Variants in FNDC3A observed in about 807,000 individuals in gnomAD.
The protein encoded by FNDC3A is fibronectin type-III domain-containing protein 3A.
Under a neutral mutation model 148.9 loss-of-function variants are expected in FNDC3A, and 32 were observed. The observed-to-expected ratio is 0.21, with a 90% CI of 0.16 to 0.29. The LOEUF (loss-of-function observed/expected upper bound fraction) is 0.29. FNDC3A is among the 10% of genes least tolerant of loss of function. FNDC3A has a pLI of 1.00. For synonymous variants in FNDC3A, 472 were observed against 473.6 expected, an observed-to-expected ratio of 1.00 and a Z score of 0.04; for missense variants, 1,191 against 1,452.8, an observed-to-expected ratio of 0.82 and a Z score of 2.93.
In FNDC3A at chr13:49,131,288, A is replaced by G. The variant is rs762348761; in HGVS notation, c.404A>G (p.His135Arg). ...ACTATGATGCCGCCTCCACCACGTC[A>G]TATGTACTCACCCGTGACTGGAGCT... ...VPTMMPPPPRHMYSPVTGAGD... is the reference protein window; with the variant it reads ...VPTMMPPPPRRMYSPVTGAGD... Residue 135 changes from histidine to arginine, a missense_variant, in exon 5 of 26, where the codon CAT becomes CGT. By Grantham distance (29) the His-to-Arg change is conservative. Around this residue, in one of 3 missense-constraint regions of FNDC3A, gnomAD observed 426 missense variants for 473.2 expected, o/e 0.90. Transcript: ENST00000492622. 1.2e-6 allele frequency: 2 copies of G among 1,614,002 alleles called. No individual in the cohort carries two copies.
At chr13:49,177,896 C>T (rs1354018226) in intron 13 of FNDC3A, among the ~76,000 whole-genome samples, 2 of 151,992 alleles carry the variant, frequency 1.3e-5, no homozygotes, top group African/African-American at 4.8e-5. Flanking sequence ...TGACTGCTAC[C>T]CAAAAAAGGA....
chr13:49,089,143 A>ACCTAATAT, intron 3 of FNDC3A, among the ~76,000 whole-genome samples: 1 of 152,318 alleles, frequency 6.6e-6, no homozygotes, highest in South Asian at 2.1e-4. Context: ...ATGTAAATGT[A>ACCTAATAT]CCTAATATTG....
At chr13:48,992,006 G>A (rs558829708) in intron 1 of FNDC3A, among the ~76,000 whole-genome samples, 2 of 152,270 alleles carry the variant, frequency 1.3e-5, no homozygotes, top group East Asian at 3.9e-4. Context: ...GTGGAAAACC[G>A]AATGCTTGTA....
At chr13:49,087,320 C>A (rs749404640) in intron 3 of FNDC3A, among the ~76,000 whole-genome samples, 1 of 152,028 alleles carries the variant, frequency 6.6e-6, no homozygotes, top group Non-Finnish European at 1.5e-5. Flanking sequence ...GTTCACAAAC[C>A]TTTTGCATTC....
intron 24 of FNDC3A, 140 bp downstream of exon 24, chr13:49,202,106 A>G: frequency 4.1e-6 from 2 of 489,984 alleles, no homozygotes; most frequent in East Asian, 3.5e-5. Flanking sequence ...AGGCAAGCCC[A>G]ACTCTACTGA....
intron 2 of FNDC3A, among the ~76,000 whole-genome samples, chr13:49,065,680 A>G (rs564718921): frequency 6.6e-6 from 1 of 152,306 alleles, no homozygotes; most frequent in South Asian, 2.1e-4. Context: ...ACTTCTGGAA[A>G]GATAAACATA....
chr13:49,123,652 A>T (rs1053446729), intron 4 of FNDC3A, among the ~76,000 whole-genome samples: 30 of 146,870 alleles, frequency 2.0e-4, no homozygotes, highest in African/African-American at 6.5e-4. Flanking sequence ...ACAAATTTAC[A>T]AAAAAAAAAA....
At chr13:49,177,432 T>C (rs945663085) in intron 13 of FNDC3A, among the ~76,000 whole-genome samples, 6 of 152,002 alleles carry the variant, frequency 3.9e-5, no homozygotes, top group Non-Finnish European at 8.8e-5. Context: ...TGACCAGGAG[T>C]TAGGGTGTAT....
chr13:49,085,339 T>C (rs1878734754), intron 3 of FNDC3A, among the ~76,000 whole-genome samples: 1 of 152,232 alleles, frequency 6.6e-6, no homozygotes, highest in Non-Finnish European at 1.5e-5. Context: ...CCTGGCCTTG[T>C]CCTTCTCTCA....
intron 8 of FNDC3A, among the ~76,000 whole-genome samples, chr13:49,161,429 T>G (rs1199364662): frequency 6.6e-6 from 1 of 152,158 alleles, no homozygotes; most frequent in Non-Finnish European, 1.5e-5. Context: ...AACCCCTGCT[T>G]TTTTTTGTTT....
At chr13:49,144,188 T>A (rs2137963123) in intron 7 of FNDC3A, among the ~76,000 whole-genome samples, 1 of 152,116 alleles carries the variant, frequency 6.6e-6, no homozygotes, top group Admixed American at 6.5e-5. Flanking sequence ...AGTAGCAGTT[T>A]GTTTTAAAAA....
At chr13:49,202,424 A>C (rs1467368007) in intron 24 of FNDC3A, among the ~76,000 whole-genome samples, 1 of 152,226 alleles carries the variant, frequency 6.6e-6, no homozygotes, top group African/African-American at 2.4e-5. Context: ...ACACATATTT[A>C]CACACATTTG....
At chr13:49,171,988 A>G (rs970792294) in intron 10 of FNDC3A, 55 bp from the exon 11 acceptor site, 3 of 1,172,158 alleles carry the variant, frequency 2.6e-6, no homozygotes, top group African/African-American at 3.0e-5. Context: ...TCATCACAGT[A>G]TCATTTATGA....
intron 3 of FNDC3A, among the ~76,000 whole-genome samples, chr13:49,077,759 A>G (rs991942298): frequency 4.6e-5 from 7 of 152,252 alleles, no homozygotes; most frequent in African/African-American, 1.7e-4. Context: ...ACAAACCTGC[A>G]CATTCTGCAC....
intron 2 of FNDC3A, among the ~76,000 whole-genome samples, chr13:49,033,713 A>G (rs978921676): frequency 6.6e-5 from 10 of 151,966 alleles, no homozygotes; most frequent in Non-Finnish European, 4.4e-5. Flanking sequence ...AAGCAAGTTT[A>G]TGATTTAATA....
chr13:49,122,421 A>G (rs1387245256), intron 4 of FNDC3A, among the ~76,000 whole-genome samples: 1 of 152,134 alleles, frequency 6.6e-6, no homozygotes, highest in Non-Finnish European at 1.5e-5. Flanking sequence ...TGGAAGCATT[A>G]CCTTTGAAAA....
intron 7 of FNDC3A, among the ~76,000 whole-genome samples, chr13:49,145,260 C>G (rs1882927445): frequency 2.0e-5 from 3 of 152,136 alleles, no homozygotes; most frequent in African/African-American, 4.8e-5. Flanking sequence ...GTTTTTAACA[C>G]TAGATAGTAT....
intron 2 of FNDC3A, among the ~76,000 whole-genome samples, chr13:49,063,650 G>A (rs74075848): frequency 9.9e-5 from 15 of 152,276 alleles, no homozygotes; most frequent in African/African-American, 3.6e-4. Context: ...TGAAGATAAT[G>A]GGTGAGTCAG....
At chr13:49,137,893 G>A (rs1882471879) in intron 6 of FNDC3A, among the ~76,000 whole-genome samples, 1 of 152,160 alleles carries the variant, frequency 6.6e-6, no homozygotes, top group Non-Finnish European at 1.5e-5. Context: ...ACATAGATAT[G>A]CATGGTAGAC....
Sources: gnomAD v4.1 joint callset for allele counts (sites outside exome capture counted in the v4.1 genomes callset) on GRCh38, gnomAD v4.1.1 for gene constraint, gnomAD v4.1.1 regional missense constraint, MANE v1.5 for transcripts, NCBI Gene and HGNC (gene_info 2026-07-23, HGNC 2026-07-21) for gene names.